The following SAR1B variants were observed in gnomAD, a reference collection of about 807,000 sequenced individuals.
SAR1B encodes the protein small COPII coat GTPase SAR1B.
A neutral mutation model predicts 26.8 loss-of-function variants in SAR1B; 23 were observed. The ratio of observed to expected loss-of-function variants is 0.86; its 90% CI spans 0.62 to 1.22. The LOEUF is 1.22. SAR1B is among the 50% of genes most tolerant of loss of function. The pLI, the probability that SAR1B is intolerant of heterozygous loss-of-function variation, is 0.00. For synonymous variants in SAR1B, 65 were observed against 80.8 expected (o/e 0.80, Z 1.05); for missense variants, 196 against 232.8 (o/e 0.84, Z 1.03).
At chr5:134,629,877 T>A (rs1222580947) in intron 1 of SAR1B, among the ~76,000 whole-genome samples, 6 of 147,600 alleles carry the variant, frequency 4.1e-5, no homozygotes, top group African/African-American at 1.2e-4. Flanking sequence ...CAGGGCAACA[T>A]TCTGTCTCAA....
At chr5:134,624,446 C>T (rs922504236) in intron 1 of SAR1B, among the ~76,000 whole-genome samples, 21 of 151,938 alleles carry the variant, frequency 1.4e-4, no homozygotes, top group Admixed American at 5.3e-4. Flanking sequence ...GCTTGAGCCT[C>T]GGAGGTAGAG....
intron 4 of SAR1B, among the ~76,000 whole-genome samples, chr5:134,610,566 CAAAAAAAAAAAA>C (rs55682339): frequency 2.6e-5 from 1 of 39,026 alleles, no homozygotes; most frequent in South Asian, 1.4e-3. Flanking sequence ...GACTCCGTCT[CAAAAAAAAAAAA>C]AAAAAAAAAA....
chr5:134,606,987 C>T lies in SAR1B; in HGVS notation c.560G>A (p.Gly187Glu), dbSNP rs368843590. ...CTGTGCCATCCAGCGGAAGCCTTCT[C>T]CGTAACCTTGTCTTTTGAGCACACT... is the stretch of plus-strand genomic sequence containing the variant. ...MCSVLKRQGY[G>E]EGFRWMAQYI... Residue 187 changes from glycine (G) to glutamate (E), a missense_variant, in exon 7 of 7, where the codon GGA becomes GAA. By Grantham distance (98) the Gly-to-Glu change is moderately conservative (BLOSUM62 -2). Transcript: ENST00000402673. 3.7e-5 allele frequency: 60 copies of T among 1,613,978 alleles called. No individual in the cohort carries two copies. Among genetic ancestry groups the T allele is most frequent in the Non-Finnish European group, 4.8e-5 (57 of 1,179,990 alleles).
chr5:134,626,298 C>CAA (rs35668627), intron 1 of SAR1B, among the ~76,000 whole-genome samples: 971 of 53,080 alleles, frequency 0.018, 106 homozygotes, highest in African/African-American at 0.036. Flanking sequence ...GACTCTGCCT[C>CAA]AAAAAAAAAA....
chr5:134,611,660 T>A (rs750773518), intron 4 of SAR1B, among the ~76,000 whole-genome samples: 5 of 152,172 alleles, frequency 3.3e-5, no homozygotes, highest in Non-Finnish European at 7.3e-5. Flanking sequence ...GTTGTAGACA[T>A]GTACACAAAT....
intron 1 of SAR1B, 105 bp from the exon 2 acceptor site, chr5:134,624,142 T>A: frequency 4.1e-6 from 3 of 738,480 alleles, no homozygotes; most frequent in Non-Finnish European, 7.4e-6. Flanking sequence ...CTACAGCAAC[T>A]TTACTACAAA....
chr5:134,624,095 T>C, intron 1 of SAR1B, 58 bp from the exon 2 acceptor site: 1 of 931,120 alleles, frequency 1.1e-6, no homozygotes, highest in Non-Finnish European at 1.8e-6. Flanking sequence ...TACATTAAAC[T>C]CCAATACTGT....
At chr5:134,632,332 A>G (rs1407233109) in intron 1 of SAR1B, 1 of 152,144 alleles carries the variant, frequency 6.6e-6, no homozygotes, top group Non-Finnish European at 1.5e-5. Context: ...AGGAAGCTCA[A>G]TTTGCCTCTA....
intron 3 of SAR1B, among the ~76,000 whole-genome samples, chr5:134,616,677 C>A (rs1765322103): frequency 6.6e-6 from 1 of 152,160 alleles, no homozygotes; most frequent in Non-Finnish European, 1.5e-5. Context: ...AGCCCCTTCC[C>A]AGTCAATCCC....
In SAR1B at chr5:134,607,064, C is replaced by A. The variant is rs1765141069; in HGVS notation, c.483G>T (p.Gly161=). ...CATTCAGTTCTTTCAGAGATATACTCCCCTAGAATAGAAGAGAGACATTTC... is the reference window on the plus strand; with the variant it reads ...CATTCAGTTCTTTCAGAGATATACTACCCTAGAATAGAAGAGAGACATTTC... ...FGLYGQTTGK[G]SISLKELNAR... Residue 161 remains glycine, a splice_region_variant and synonymous_variant, in exon 7 of 7, where the codon GGG becomes GGT. Transcript: ENST00000402673. 6.3e-7 allele frequency: 1 copy of A among 1,581,310 alleles called. No individual in the cohort carries two copies. The highest frequency in any genetic ancestry group is 8.7e-7 in the Non-Finnish European group (1 of 1,150,172).
intron 5 of SAR1B, 30 bp downstream of exon 5, chr5:134,609,541 A>G (rs200422544): frequency 3.6e-5 from 55 of 1,547,854 alleles, no homozygotes; most frequent in Non-Finnish European, 1.2e-5. Flanking sequence ...GAGTGATTTG[A>G]CTATATTTAG....
chr5:134,627,289 A>T (rs1057092577), intron 1 of SAR1B, among the ~76,000 whole-genome samples: 3 of 150,682 alleles, frequency 2.0e-5, no homozygotes, highest in Admixed American at 1.3e-4. Flanking sequence ...CTGACCTCGT[A>T]ATCCGCCCTC....
intron 3 of SAR1B, among the ~76,000 whole-genome samples, chr5:134,619,343 A>AACCCCCTCCCTCTCCCTCTCCCTCTCC (rs1489653023): frequency 6.8e-6 from 1 of 147,076 alleles, no homozygotes; most frequent in Non-Finnish European, 1.5e-5. Context: ...AAAAAAAAAA[A>AACCCCCTCCCTCTCCCTCTCCCTCTCC]CTTTCAATTT....
Position 134,606,721 on chromosome 5 carries a change from T to G in SAR1B, c.*229A>C. ...GCTGGGGTGATGTCAGATTATAAAC[T>G]GTAAAAACCAAGTACTTTTATGGAA... is the stretch of plus-strand genomic sequence containing the variant. On this transcript the variant is annotated 3_prime_UTR_variant, in exon 7 of 7. Coordinates refer to ENST00000402673, the MANE Select transcript of SAR1B (RefSeq NM_016103.4). The G allele has an allele frequency of 2.1e-6, 1 of 486,588 alleles. No individual in the cohort carries two copies. The highest frequency in any genetic ancestry group is 3.8e-6 in the Non-Finnish European group (1 of 266,080). The allele number at this position is 486,588 out of a possible 1,614,324, so 30.1% of individuals were successfully genotyped here. A position where few individuals can be genotyped will look rare whatever the true frequency, so the allele number is the denominator to read the frequency against.
chr5:134,612,044 G>C (rs1765223555), intron 4 of SAR1B, among the ~76,000 whole-genome samples: 1 of 152,172 alleles, frequency 6.6e-6, no homozygotes, highest in African/African-American at 2.4e-5. Context: ...ACTGGGACCA[G>C]ATCATAGAGA....
At chr5:134,622,437 G>T (rs1450956560) in intron 2 of SAR1B, among the ~76,000 whole-genome samples, 7 of 143,690 alleles carry the variant, frequency 4.9e-5, no homozygotes, top group Non-Finnish European at 1.0e-4. Context: ...TTGAGACGGA[G>T]TCTCGCTCTG....
intron 1 of SAR1B, among the ~76,000 whole-genome samples, chr5:134,626,055 T>G (rs1214084656): frequency 6.6e-6 from 1 of 151,974 alleles, no homozygotes; most frequent in South Asian, 2.1e-4. Flanking sequence ...TCCCAGGACT[T>G]TGGGAGGCTG....
intron 1 of SAR1B, among the ~76,000 whole-genome samples, chr5:134,628,502 G>A (rs1307166649): frequency 6.6e-6 from 1 of 152,062 alleles, no homozygotes; most frequent in Non-Finnish European, 1.5e-5. Flanking sequence ...GGTGAAATGG[G>A]TGTAGTAACT....
chr5:134,617,078 A>C (rs1274128076), intron 3 of SAR1B, among the ~76,000 whole-genome samples: 2 of 152,110 alleles, frequency 1.3e-5, no homozygotes, highest in African/African-American at 2.4e-5. Context: ...AAATAAATTA[A>C]AAAATTAGCC....
Sources: gnomAD v4.1 joint callset for allele counts (sites outside exome capture counted in the v4.1 genomes callset) on GRCh38, gnomAD v4.1.1 for gene constraint, MANE v1.5 for transcripts, NCBI Gene and HGNC (gene_info 2026-07-23, HGNC 2026-07-21) for gene names.